The following VAMP4 variants were observed in gnomAD, a reference collection of about 807,000 sequenced individuals.
The protein encoded by VAMP4 is vesicle-associated membrane protein 4.
A neutral mutation model predicts 23.5 loss-of-function variants in VAMP4; 19 were observed. That is an observed-to-expected ratio of 0.81 (90% CI 0.56 to 1.19). The LOEUF (loss-of-function observed/expected upper bound fraction) is 1.19, where lower values mean the gene tolerates loss of function less well. Ranked by LOEUF, VAMP4 falls within the 50% of genes most tolerant of loss-of-function variation. The pLI is 0.00. For synonymous variants in VAMP4, 31 were observed against 51.0 expected (o/e 0.61, Z 1.67); for missense variants, 145 against 168.6 (o/e 0.86, Z 0.78).
chr1:171,704,953 GT>G (rs1654604141), intron 7 of VAMP4, among the ~76,000 whole-genome samples: 2 of 151,990 alleles, frequency 1.3e-5, no homozygotes, highest in African/African-American at 4.8e-5. Context: ...TAAGATTATA[GT>G]TGAATTTTTC....
At position 171,702,031 on chromosome 1, in the gene VAMP4, A is replaced by ATGAT. The variant is rs1654468771; in HGVS notation, c.*2471_*2474dup. On this transcript the variant is annotated 3_prime_UTR_variant, in exon 8 of 8. Transcript: ENST00000236192. ...GTTGATCTTCACTTGTTGTTAAATA[A>ATGAT]TGATAGTTTTGATGGTGGTAAAACT... 6.6e-6 allele frequency: 1 copy of ATGAT among 152,138 alleles called. No homozygotes were observed. Among genetic ancestry groups the ATGAT allele is most frequent in the Non-Finnish European group, 1.5e-5 (1 of 67,970 alleles). 9.4% of individuals were successfully genotyped at this position (152,138 alleles called of 1,614,324 possible).
At chr1:171,719,132 G>A (rs1213588373) in intron 4 of VAMP4, 39 bp downstream of exon 4, 2 of 1,589,770 alleles carry the variant, frequency 1.3e-6, no homozygotes, top group South Asian at 1.1e-5. Context: ...AGTCTACACA[G>A]AAATATGATT....
At chr1:171,706,283 T>C (rs554675974) in intron 7 of VAMP4, 84 bp downstream of exon 7, 30 of 1,307,460 alleles carry the variant, frequency 2.3e-5, no homozygotes, top group Non-Finnish European at 1.1e-6. Context: ...TCAGACATAC[T>C]AGGTCAACTG....
rs1453913608 is a variant in VAMP4, at chr1:171,703,861, ACT to A, written c.*643_*644del. 1.3e-5 allele frequency: 2 copies of A among 152,222 alleles called. No homozygotes were observed. Among genetic ancestry groups the A allele is most frequent in the Non-Finnish European group, 2.9e-5 (2 of 67,806 alleles). The allele number at this position is 152,222 out of a possible 1,614,324, so 9.4% of individuals were successfully genotyped here. A position where few individuals can be genotyped will look rare whatever the true frequency, so the allele number is the denominator to read the frequency against. On this transcript the variant is annotated 3_prime_UTR_variant, in exon 8 of 8. Coordinates refer to ENST00000236192, the MANE Select transcript of VAMP4 (RefSeq NM_003762.5). Reference sequence around the variant, plus strand: ...ATGATGCCATACCATGTTTTTTCACACTGTTTAAAAATTTCCATTTCCATAAT... The same window carrying A: ...ATGATGCCATACCATGTTTTTTCACAGTTTAAAAATTTCCATTTCCATAAT...
intron 3 of VAMP4, among the ~76,000 whole-genome samples, chr1:171,725,715 G>A (rs1265344805): frequency 2.7e-5 from 4 of 150,742 alleles, no homozygotes; most frequent in Admixed American, 6.6e-5. Flanking sequence ...TTTTTAGATG[G>A]AGTCTTTCTC....
intron 7 of VAMP4, among the ~76,000 whole-genome samples, chr1:171,705,445 G>A (rs905857279): frequency 3.9e-5 from 6 of 152,096 alleles, no homozygotes; most frequent in Non-Finnish European, 2.9e-5. Context: ...CAAAAAGAAT[G>A]TTTATGTTAT....
chr1:171,724,539 T>C (rs1655304918), intron 3 of VAMP4, among the ~76,000 whole-genome samples: 1 of 152,058 alleles, frequency 6.6e-6, no homozygotes, highest in Non-Finnish European at 1.5e-5. Flanking sequence ...ATCTGGACAC[T>C]GAAAACTACA....
rs1404198626 is a variant in VAMP4, at chr1:171,703,423, G to GTATATATATATA, written c.*1082_*1083insTATATATATATA. The GTATATATATATA allele has an allele frequency of 1.2e-5, 1 of 81,930 alleles. No homozygotes were observed. Among genetic ancestry groups the GTATATATATATA allele is most frequent in the African/African-American group, 4.8e-5 (1 of 20,680 alleles). 5.1% of individuals were successfully genotyped at this position (81,930 alleles called of 1,614,324 possible). ...TGTGTGTGTGTGTGTGTGTGTTTGT[G>GTATATATATATA]TGTATATATATATATATATATATAT... is the stretch of plus-strand genomic sequence containing the variant. On this transcript the variant is annotated 3_prime_UTR_variant, in exon 8 of 8. Transcript: ENST00000236192.
intron 5 of VAMP4, 40 bp from the exon 6 acceptor site, chr1:171,709,784 T>C (rs1400398967): frequency 4.0e-6 from 6 of 1,486,740 alleles, no homozygotes; most frequent in Admixed American, 1.7e-5. Flanking sequence ...TTAAACGACA[T>C]AACAGGATTC....
At chr1:171,731,423 A>T (rs1468085275) in intron 2 of VAMP4, among the ~76,000 whole-genome samples, 1 of 135,604 alleles carries the variant, frequency 7.4e-6, no homozygotes, top group Non-Finnish European at 1.6e-5. Context: ...TAATAATAAT[A>T]ATAAAAAAAA....
chr1:171,704,631 A>T, intron 7 of VAMP4, 97 bp from the exon 8 acceptor site: 1 of 954,022 alleles, frequency 1.0e-6, no homozygotes. Flanking sequence ...CTACTTTTAG[A>T]AATGGGTAAT....
intron 4 of VAMP4, among the ~76,000 whole-genome samples, chr1:171,718,618 G>C (rs1253357054): frequency 2.0e-5 from 3 of 152,084 alleles, no homozygotes; most frequent in Admixed American, 2.0e-4. Flanking sequence ...TGATAAATAA[G>C]AGATATGAAA....
intron 5 of VAMP4, among the ~76,000 whole-genome samples, chr1:171,710,312 T>A (rs1427481977): frequency 6.6e-6 from 1 of 151,668 alleles, no homozygotes; most frequent in Non-Finnish European, 1.5e-5. Context: ...ATAGGTGTAA[T>A]GACTGAAAGT....
At chr1:171,734,502 T>C (rs2124868989) in intron 2 of VAMP4, among the ~76,000 whole-genome samples, 1 of 152,252 alleles carries the variant, frequency 6.6e-6, no homozygotes, top group Middle Eastern at 3.4e-3. Context: ...TTTGGGCTAA[T>C]GAAAATATCC....
At chr1:171,707,881 C>T (rs1419907996) in intron 6 of VAMP4, among the ~76,000 whole-genome samples, 2 of 152,014 alleles carry the variant, frequency 1.3e-5, no homozygotes, top group Non-Finnish European at 2.9e-5. Flanking sequence ...GCAAAATGTA[C>T]ATTATGACCA....
chr1:171,709,505 A>T (rs2124839931), intron 6 of VAMP4, among the ~76,000 whole-genome samples, 160 bp downstream of exon 6: 1 of 152,340 alleles, frequency 6.6e-6, no homozygotes, highest in Admixed American at 6.5e-5. Context: ...TCCCAAAAGC[A>T]ATTAAGTTAA....
In VAMP4 at chr1:171,703,322, T is replaced by C. The variant is rs567471974; in HGVS notation, c.*1184A>G. On this transcript the variant is annotated 3_prime_UTR_variant, in exon 8 of 8. Coordinates refer to ENST00000236192, the MANE Select transcript of VAMP4 (RefSeq NM_003762.5). ...TTAAAGTTAACACATTTTTTCATTA[T>C]AAAAACAGGCTTAGGTTAATGGTCA... 1 of 150,132 alleles carries C rather than the reference T, an allele frequency of 6.7e-6. No individual in the cohort carries two copies. The highest frequency in any genetic ancestry group is 2.4e-5 in the African/African-American group (1 of 41,016). The allele number at this position is 150,132 out of a possible 1,614,324, so 9.3% of individuals were successfully genotyped here.
At chr1:171,740,695 T>C (rs1209089912) in intron 1 of VAMP4, among the ~76,000 whole-genome samples, 1 of 152,156 alleles carries the variant, frequency 6.6e-6, no homozygotes, top group South Asian at 2.1e-4. Context: ...GAAGAACTTG[T>C]GCTTTTAACT....
At chr1:171,725,502 A>C (rs1655334176) in intron 3 of VAMP4, among the ~76,000 whole-genome samples, 1 of 152,152 alleles carries the variant, frequency 6.6e-6, no homozygotes, top group Non-Finnish European at 1.5e-5. Context: ...CTATTGCTCT[A>C]GTCTAAGGCT....
Sources: allele counts gnomAD v4.1 joint callset (sites outside exome capture counted in the v4.1 genomes callset), GRCh38; gene constraint gnomAD v4.1.1; transcripts MANE v1.5; gene names NCBI Gene and HGNC (gene_info 2026-07-23, HGNC 2026-07-21).